Variants in HEATR4 observed in about 807,000 individuals in gnomAD.
The protein encoded by HEATR4 is HEAT repeat containing 4.
Under a neutral mutation model 108.8 loss-of-function variants are expected in HEATR4, and 95 were observed. That is an observed-to-expected ratio of 0.87 (90% confidence interval 0.74 to 1.04). HEATR4 has a LOEUF of 1.04. Among genes scored for constraint, HEATR4 ranks in the 50% least tolerant of loss-of-function variants. HEATR4 has a pLI of 0.00. For missense variants in HEATR4, 1,152 were observed against 1,253.8 expected, an observed-to-expected ratio of 0.92 and a Z score of 1.23; for synonymous variants, 443 against 459.4, an observed-to-expected ratio of 0.96 and a Z score of 0.46.
At chr14:73,501,502 G>A (rs1217378929) in intron 11 of HEATR4, among the ~76,000 whole-genome samples, 1 of 151,042 alleles carries the variant, frequency 6.6e-6, no homozygotes, top group Non-Finnish European at 1.5e-5. Context: ...TGATTCTCCT[G>A]CCTCAGCCTG....
the HEATR4 span, chr14:73,593,735 T>G: frequency 6.2e-7 from 1 of 1,613,334 alleles, no homozygotes. Flanking sequence ...ATTGACATCT[T>G]TGGTATTGGA....
the HEATR4 span, among the ~76,000 whole-genome samples, chr14:73,621,776 T>A: frequency 6.9e-6 from 1 of 145,802 alleles, no homozygotes; most frequent in African/African-American, 2.6e-5. Flanking sequence ...TTTTTTTTTT[T>A]TTTTTTTGAG....
At chr14:73,576,353 T>C in the HEATR4 span, among the ~76,000 whole-genome samples, 1 of 152,040 alleles carries the variant, frequency 6.6e-6, no homozygotes, top group Non-Finnish European at 1.5e-5. Flanking sequence ...AGTTCTTTGA[T>C]ATCTTCTCCT....
chr14:73,506,042 C>T (rs1053550411), intron 10 of HEATR4, among the ~76,000 whole-genome samples: 2 of 151,956 alleles, frequency 1.3e-5, no homozygotes, highest in African/African-American at 4.8e-5. Context: ...AGGCGCGTGC[C>T]ACCACACTCT....
At chr14:73,574,927 G>A in the HEATR4 span, 1 of 1,611,030 alleles carries the variant, frequency 6.2e-7, no homozygotes, top group Non-Finnish European at 8.5e-7. Context: ...CCAGGAGTTG[G>A]GCTGCTTGGA....
At chr14:73,487,342 A>C (rs1370702679) in intron 17 of HEATR4, among the ~76,000 whole-genome samples, 1 of 151,842 alleles carries the variant, frequency 6.6e-6, no homozygotes, top group Non-Finnish European at 1.5e-5. Context: ...TGAGGCAGGC[A>C]GATCACCTGA....
At chr14:73,540,830 C>T (rs1363782592) in intron 1 of HEATR4, among the ~76,000 whole-genome samples, 1 of 108,784 alleles carries the variant, frequency 9.2e-6, no homozygotes, top group Non-Finnish European at 1.9e-5. Flanking sequence ...CAACCTCCAA[C>T]TCCCGGGTTC....
At chr14:73,569,475 G>C in the HEATR4 span, 2 of 1,613,016 alleles carry the variant, frequency 1.2e-6, no homozygotes, top group South Asian at 1.1e-5. Context: ...CTGCTGGGAC[G>C]AACCGGTGCG....
the HEATR4 span, among the ~76,000 whole-genome samples, chr14:73,603,552 A>T: frequency 3.3e-5 from 5 of 151,840 alleles, no homozygotes; most frequent in African/African-American, 4.8e-5. Context: ...ACAGGGTTTC[A>T]CCATGTTAGC....
At chr14:73,506,422 G>T in intron 10 of HEATR4, 45 bp downstream of exon 10, 2 of 1,422,966 alleles carry the variant, frequency 1.4e-6, no homozygotes, top group Non-Finnish European at 2.0e-6. Flanking sequence ...CTGTAGCTCA[G>T]CCTCTCTTAG....
chr14:73,627,623 G>A, the HEATR4 span, among the ~76,000 whole-genome samples: 1 of 152,096 alleles, frequency 6.6e-6, no homozygotes, highest in African/African-American at 2.4e-5. Flanking sequence ...ATGTCCTCCC[G>A]GGCATGTCAC....
the HEATR4 span, chr14:73,592,031 C>A: frequency 6.9e-6 from 10 of 1,447,966 alleles, no homozygotes; most frequent in South Asian, 1.3e-4. Context: ...TTGCCGTGCG[C>A]GGCCTGGCCC....
At chr14:73,586,002 C>G in the HEATR4 span, among the ~76,000 whole-genome samples, 3 of 120,118 alleles carry the variant, frequency 2.5e-5, no homozygotes, top group Non-Finnish European at 5.0e-5. Flanking sequence ...GAGTGAGACT[C>G]TGTCGCAAAA....
chr14:73,619,295 T>C, the HEATR4 span: 8 of 1,612,334 alleles, frequency 5.0e-6, no homozygotes, highest in African/African-American at 9.4e-5. Flanking sequence ...TGTCTCTCAA[T>C]GGCTTCTTTC....
chr14:73,486,698 G>GAA (rs33986905), intron 17 of HEATR4, among the ~76,000 whole-genome samples: 6 of 144,900 alleles, frequency 4.1e-5, no homozygotes, highest in Middle Eastern at 3.6e-3. Context: ...ACTCTGTCTT[G>GAA]AAAAAAAAAA....
the HEATR4 span, among the ~76,000 whole-genome samples, chr14:73,587,104 G>C: frequency 7.1e-6 from 1 of 141,734 alleles, no homozygotes; most frequent in Admixed American, 7.1e-5. Context: ...CCCTAATATA[G>C]AAAAATTAAA....
chr14:73,555,240 A>G (rs1889377659), intron 1 of HEATR4, among the ~76,000 whole-genome samples: 1 of 112,014 alleles, frequency 8.9e-6, no homozygotes, highest in African/African-American at 2.9e-5. Flanking sequence ...CAAGGCTAAA[A>G]AAGGATCCTA....
the HEATR4 span, among the ~76,000 whole-genome samples, chr14:73,626,784 A>T: frequency 7.0e-6 from 1 of 143,852 alleles, no homozygotes; most frequent in African/African-American, 2.7e-5. Flanking sequence ...CAACAGACAA[A>T]CAGCCTTTTT....
At chr14:73,554,939 A>G (rs1166621387) in intron 1 of HEATR4, among the ~76,000 whole-genome samples, 1 of 114,074 alleles carries the variant, frequency 8.8e-6, no homozygotes, top group African/African-American at 2.8e-5. Context: ...AGCATGGTCT[A>G]CAATTGCTTG....
Sources: allele counts gnomAD v4.1 joint callset (sites outside exome capture counted in the v4.1 genomes callset), GRCh38; gene constraint gnomAD v4.1.1; transcripts MANE v1.5; gene names NCBI Gene and HGNC (gene_info 2026-07-23, HGNC 2026-07-21).